Variants in C1QBP observed in about 807,000 individuals in gnomAD.
C1QBP encodes the protein complement component 1 Q subcomponent-binding protein, mitochondrial.
C1QBP carries 24 observed loss-of-function variants against 29.4 expected under a neutral mutation model. That is an observed-to-expected ratio of 0.82 (90% CI 0.59 to 1.15). C1QBP has a LOEUF of 1.15. Among genes scored for constraint, C1QBP ranks in the 50% most tolerant of loss-of-function variants. The pLI, the probability that C1QBP is intolerant of heterozygous loss-of-function variation, is 0.00. For synonymous variants in C1QBP, 182 were observed against 149.2 expected, an observed-to-expected ratio of 1.22 and a Z score of -1.60; for missense variants, 337 against 355.8, an observed-to-expected ratio of 0.95 and a Z score of 0.43.
At chr17:5,437,421 C>T (rs560789270) in intron 2 of C1QBP, among the ~76,000 whole-genome samples, 2 of 152,356 alleles carry the variant, frequency 1.3e-5, no homozygotes, top group South Asian at 2.1e-4. Flanking sequence ...ACTGCAACCT[C>T]CACCTCCCAG....
Position 5,438,910 on chromosome 17 carries a change from C to G in C1QBP, c.164G>C (p.Arg55Pro), listed in dbSNP as rs933549360. 5 of 1,539,246 alleles carry G rather than the reference C, an allele frequency of 3.2e-6. No individual in the cohort carries two copies. In the Admixed American group the frequency reaches 7.9e-5, roughly 24 times the overall value. The change falls in exon 1 of 6, where the codon CGG becomes CCG. Residue 55 changes from arginine (R) to proline (P), a missense_variant. Coordinates refer to ENST00000225698, the MANE Select transcript of C1QBP (RefSeq NM_001212.4). ...LLSVRAGSER[R>P]PGLLRPRGPC... Reference sequence around the variant, plus strand: ...TCCGCGAGGCCGCAGGAGGCCCGGCCGCCGCTCGGAACCTGCGCGCACGCT... The same window carrying G: ...TCCGCGAGGCCGCAGGAGGCCCGGCGGCCGCTCGGAACCTGCGCGCACGCT...
At position 5,432,982 on chromosome 17, in the gene C1QBP, C is replaced by A; in HGVS notation, c.*33G>T. 1 of 1,593,338 alleles carries A rather than the reference C, an allele frequency of 6.3e-7. No homozygotes were observed. ...GGATTTGTTCACTGGCCAAAGCCTG[C>A]CATGAAACTATGGCTTTCAGCATCT... On this transcript the variant is annotated 3_prime_UTR_variant, in exon 6 of 6. Transcript: ENST00000225698.
chr17:5,438,509 CAGG>C (rs1916334787), intron 1 of C1QBP: 7 of 703,910 alleles, frequency 9.9e-6, no homozygotes, highest in Non-Finnish European at 1.6e-5. Flanking sequence ...CGCTATAAAC[CAGG>C]AGAATTTCCA....
chr17:5,433,258 G>A, intron 5 of C1QBP, 35 bp downstream of exon 5: 3 of 1,613,598 alleles, frequency 1.9e-6, no homozygotes, highest in Middle Eastern at 1.6e-4. Flanking sequence ...TCCTTCCAAG[G>A]CCCAAAAGGT....
intron 3 of C1QBP, 33 bp downstream of exon 3, chr17:5,434,840 C>G (rs771030598): frequency 1.3e-6 from 2 of 1,572,548 alleles, no homozygotes; most frequent in African/African-American, 2.7e-5. Context: ...CCTGTCAGAA[C>G]TGAGGTAAAA....
chr17:5,437,491 C>A (rs1035048981), intron 2 of C1QBP, among the ~76,000 whole-genome samples: 3 of 152,172 alleles, frequency 2.0e-5, no homozygotes, highest in African/African-American at 7.2e-5. Flanking sequence ...CACGTGCCAC[C>A]ATACCCGGTT....
intron 3 of C1QBP, among the ~76,000 whole-genome samples, chr17:5,434,464 CTTTTTTTTTT>C (rs576803401): frequency 3.1e-5 from 3 of 97,862 alleles, no homozygotes; most frequent in Admixed American, 1.2e-4. Flanking sequence ...TTCTCTCTCT[CTTTTTTTTTT>C]TTTTTTTTTT....
chr17:5,433,420 G>A lies in C1QBP; in HGVS notation c.577-5C>T. 3 of 1,613,432 alleles carry A rather than the reference G, an allele frequency of 1.9e-6. No homozygotes were observed. The highest frequency in any genetic ancestry group is 1.7e-6 in the Non-Finnish European group (2 of 1,179,512). ...AGCCTCGTCTTCTTGTCCAACCTGA[G>A]AAGAAACAATATTGGGAAACTGAAG... On this transcript the variant is annotated splice_region_variant and splice_polypyrimidine_tract_variant and intron_variant, in intron 4 of 5. Transcript: ENST00000225698.
Position 5,439,111 on chromosome 17 carries a change from C to A in C1QBP, c.-38G>T. The A allele has an allele frequency of 6.5e-7, 1 of 1,537,882 alleles. No individual in the cohort carries two copies. The highest frequency in any genetic ancestry group is 8.8e-7 in the Non-Finnish European group (1 of 1,142,068). Reference sequence around the variant, plus strand: ...TGCGAACACGTGCAGATGCAAAGGACAACCCAGGCCTAGGCGCCCCGCGAC... The same window carrying A: ...TGCGAACACGTGCAGATGCAAAGGAAAACCCAGGCCTAGGCGCCCCGCGAC... On this transcript the variant is annotated 5_prime_UTR_variant, in exon 1 of 6. Coordinates refer to ENST00000225698, the MANE Select transcript of C1QBP (RefSeq NM_001212.4).
At chr17:5,433,612 C>T (rs1352430563) in intron 4 of C1QBP, 57 bp downstream of exon 4, 3 of 1,576,844 alleles carry the variant, frequency 1.9e-6, no homozygotes, top group African/African-American at 2.7e-5. Flanking sequence ...CAGGAAGTTC[C>T]CAAGGGACAC....
chr17:5,435,704 C>A (rs2151677044), intron 2 of C1QBP, among the ~76,000 whole-genome samples: 1 of 152,076 alleles, frequency 6.6e-6, no homozygotes, highest in African/African-American at 2.4e-5. Context: ...AACTGCTGGG[C>A]TATGCAACTC....
chr17:5,433,891 C>T, intron 3 of C1QBP, 124 bp from the exon 4 acceptor site: 1 of 829,348 alleles, frequency 1.2e-6, no homozygotes, highest in Non-Finnish European at 2.0e-6. Context: ...TTTGAATAGT[C>T]TTATGCCATA....
chr17:5,436,162 C>T (rs1916267459), intron 2 of C1QBP, among the ~76,000 whole-genome samples: 1 of 151,090 alleles, frequency 6.6e-6, no homozygotes, highest in Non-Finnish European at 1.5e-5. Flanking sequence ...TTGACAAAAT[C>T]TGTCTAATTC....
intron 3 of C1QBP, chr17:5,434,032 T>C: frequency 4.0e-6 from 2 of 495,424 alleles, no homozygotes; most frequent in East Asian, 3.8e-5. Flanking sequence ...TTTATATCAG[T>C]CCCTTAACAT....
At chr17:5,438,633 T>G (rs2151678132) in intron 1 of C1QBP, 2 of 1,009,960 alleles carry the variant, frequency 2.0e-6, no homozygotes, top group African/African-American at 1.7e-5. Flanking sequence ...GGTACCCTAG[T>G]ATTTAATTTT....
In C1QBP at chr17:5,439,077, G is replaced by T. The variant is rs141751568; in HGVS notation, c.-4C>A. ...CGCAGCGCAGCAGAGGCAGCATCGC[G>T]GAAACGACTGCGAACACGTGCAGAT... On this transcript the variant is annotated 5_prime_UTR_variant, in exon 1 of 6. Coordinates refer to ENST00000225698, the MANE Select transcript of C1QBP (RefSeq NM_001212.4). 5.8e-6 allele frequency: 9 copies of T among 1,540,128 alleles called. No homozygotes were observed. Among genetic ancestry groups the T allele is most frequent in the African/African-American group, 1.4e-5 (1 of 71,462 alleles).
In C1QBP at chr17:5,439,119, G is replaced by A. The variant is rs1331172229; in HGVS notation, c.-46C>T. 7.2e-6 allele frequency: 11 copies of A among 1,535,096 alleles called. No individual in the cohort carries two copies. Among genetic ancestry groups the A allele is most frequent in the South Asian group, 2.4e-5 (2 of 83,612 alleles). Reference sequence around the variant, plus strand: ...CGTGCAGATGCAAAGGACAACCCAGGCCTAGGCGCCCCGCGACCTGAGGCG... The same window carrying A: ...CGTGCAGATGCAAAGGACAACCCAGACCTAGGCGCCCCGCGACCTGAGGCG... On this transcript the variant is annotated 5_prime_UTR_variant, in exon 1 of 6. Transcript: ENST00000225698.
Position 5,438,892 on chromosome 17 carries a change from G to C in C1QBP, c.182C>G (p.Pro61Arg). 1 of 1,540,930 alleles carries C rather than the reference G, an allele frequency of 6.5e-7. No individual in the cohort carries two copies. The highest frequency in any genetic ancestry group is 8.7e-7 in the Non-Finnish European group (1 of 1,143,382). Residue 61 changes from proline (P) to arginine (R), a missense_variant, in exon 1 of 6, where the codon CCT becomes CGT. Physicochemically the swap from Pro to Arg is moderately radical, Grantham distance 103. Coordinates refer to ENST00000225698, the MANE Select transcript of C1QBP (RefSeq NM_001212.4). Reference sequence around the variant, plus strand: ...ACAGCCACAGGCGCAGGGTCCGCGAGGCCGCAGGAGGCCCGGCCGCCGCTC... The same window carrying C: ...ACAGCCACAGGCGCAGGGTCCGCGACGCCGCAGGAGGCCCGGCCGCCGCTC... Reference protein sequence around the residue: ...GSERRPGLLRPRGPCACGCGC... With the variant: ...GSERRPGLLRRRGPCACGCGC...
intron 2 of C1QBP, among the ~76,000 whole-genome samples, chr17:5,437,442 T>C (rs1916304144): frequency 6.6e-6 from 1 of 152,220 alleles, no homozygotes; most frequent in South Asian, 2.1e-4. Flanking sequence ...GTTCAAGCGA[T>C]TCCCCTGCCT....
Sources: allele counts gnomAD v4.1 joint callset (sites outside exome capture counted in the v4.1 genomes callset), GRCh38; gene constraint gnomAD v4.1.1; transcripts MANE v1.5; gene names NCBI Gene and HGNC (gene_info 2026-07-23, HGNC 2026-07-21).